The following LIMS1 variants were observed in gnomAD, a reference collection of about 807,000 sequenced individuals.
The protein encoded by LIMS1 is LIM and senescent cell antigen-like-containing domain protein 1.
Under a neutral mutation model 44.1 loss-of-function variants are expected in LIMS1, and 18 were observed. The observed-to-expected ratio is 0.41, with a 90% CI of 0.28 to 0.61. The LOEUF is 0.61. LIMS1 is among the 20% of genes least tolerant of loss of function. LIMS1 has a pLI of 0.32. For missense variants in LIMS1, 201 were observed against 422.0 expected (o/e 0.48, Z 4.59); for synonymous variants, 93 against 149.1 (o/e 0.62, Z 2.74).
chr2:108,623,207 T>A (rs1688355462), intron 1 of LIMS1, among the ~76,000 whole-genome samples: 1 of 133,708 alleles, frequency 7.5e-6, no homozygotes. Context: ...CCATTGTCTG[T>A]TTATGCCTGG....
chr2:108,535,135 G>A (rs1344537555), intron 1 of LIMS1, among the ~76,000 whole-genome samples: 1 of 152,214 alleles, frequency 6.6e-6, no homozygotes, highest in African/African-American at 2.4e-5. Context: ...TTTACAGTTT[G>A]CGAATCTCTT....
At chr2:108,620,083 C>T (rs1688154507) in intron 1 of LIMS1, among the ~76,000 whole-genome samples, 1 of 152,098 alleles carries the variant, frequency 6.6e-6, no homozygotes, top group African/African-American at 2.4e-5. Flanking sequence ...TTTGTTTTTC[C>T]TGGGGCCGTG....
Position 108,583,081 on chromosome 2 carries a change from C to T in LIMS1, c.32+48487C>T, listed in dbSNP as rs1205148557. On this transcript the variant is annotated intron_variant, in intron 1 of 9. Transcript: ENST00000544547. Reference sequence around the variant, plus strand: ...TAGATGGAGTTTCATTCTTATTGCCCAGGCTGGAGTGCAGTGGCGTGATCT... The same window carrying T: ...TAGATGGAGTTTCATTCTTATTGCCTAGGCTGGAGTGCAGTGGCGTGATCT... 3.3e-5 allele frequency among the ~76,000 whole-genome samples: 5 copies of T among 151,856 alleles called. No individual in the cohort carries two copies. The East Asian group carries it at 5.8e-4, about 18-fold the overall frequency.
chr2:108,687,179 G>T (rs1693357548), exon 10 of LIMS1: 1 of 152,014 alleles, frequency 6.6e-6, no homozygotes, highest in Non-Finnish European at 1.5e-5. Context: ...TGGTAATTAT[G>T]TTTTCATATA....
At chr2:108,640,584 ACT>A (rs1186142765) in intron 1 of LIMS1, among the ~76,000 whole-genome samples, 3 of 151,602 alleles carry the variant, frequency 2.0e-5, no homozygotes, top group African/African-American at 2.4e-5. Flanking sequence ...CTGAGTGGCC[ACT>A]CTCTTTTGCC....
chr2:108,645,431 A>G (rs1689991627), intron 1 of LIMS1, among the ~76,000 whole-genome samples: 1 of 152,214 alleles, frequency 6.6e-6, no homozygotes, highest in Non-Finnish European at 1.5e-5. Context: ...TCCGTCACAG[A>G]CAAGGAAATG....
intron 1 of LIMS1, among the ~76,000 whole-genome samples, chr2:108,546,471 G>T (rs1684486220): frequency 6.6e-6 from 1 of 151,832 alleles, no homozygotes; most frequent in South Asian, 2.1e-4. Flanking sequence ...GTAAGTGCAT[G>T]TTGCTCTTGT....
intron 1 of LIMS1, among the ~76,000 whole-genome samples, chr2:108,656,606 A>G (rs557895152): frequency 8.6e-5 from 13 of 151,130 alleles, no homozygotes; most frequent in African/African-American, 3.1e-4. Flanking sequence ...CAGCAAGGTG[A>G]TTGTTCTGTT....
In LIMS1 at chr2:108,684,077, T is replaced by C. The variant is rs576831467; in HGVS notation, c.*78T>C. 7 of 720,450 alleles carry C rather than the reference T, an allele frequency of 9.7e-6. No homozygotes were observed. In the South Asian group the frequency reaches 1.3e-4, roughly 13 times the overall value. 44.6% of individuals were successfully genotyped at this position (720,450 alleles called of 1,614,324 possible). A position where few individuals can be genotyped will look rare whatever the true frequency, so the allele number is the denominator to read the frequency against. On this transcript the variant is annotated 3_prime_UTR_variant, in exon 10 of 10. Coordinates refer to ENST00000544547, the Ensembl canonical transcript of LIMS1. The stretch of plus-strand genomic sequence containing the variant: ...GTCTTGATCTACCCATATTTAAAGC[T>C]ATATCTCAAAGCAGTTGAGAGAAGA...
intron 1 of LIMS1, among the ~76,000 whole-genome samples, chr2:108,607,742 G>A (rs962802844): frequency 2.6e-5 from 4 of 151,976 alleles, no homozygotes; most frequent in Non-Finnish European, 5.9e-5. Flanking sequence ...AATGTTTTAT[G>A]TCTTCTGTTT....
At chr2:108,626,441 A>C (rs548658856) in intron 1 of LIMS1, among the ~76,000 whole-genome samples, 18 of 152,312 alleles carry the variant, frequency 1.2e-4, no homozygotes, top group African/African-American at 3.1e-4. Flanking sequence ...TTAAAAGTTC[A>C]TAGTGCTTAC....
intron 1 of LIMS1, chr2:108,621,116 C>A: frequency 2.0e-6 from 1 of 509,836 alleles, no homozygotes; most frequent in Non-Finnish European, 3.3e-6. Context: ...TCTTGGTCAC[C>A]GCTTCCCCCC....
intron 1 of LIMS1, among the ~76,000 whole-genome samples, chr2:108,534,841 C>T (rs1385081640): frequency 6.6e-6 from 1 of 152,130 alleles, no homozygotes; most frequent in Non-Finnish European, 1.5e-5. Flanking sequence ...CGCCCCGCTG[C>T]TCCGAGAGTT....
intron 1 of LIMS1, among the ~76,000 whole-genome samples, chr2:108,555,465 T>C (rs886353661): frequency 6.6e-6 from 1 of 152,166 alleles, no homozygotes; most frequent in Non-Finnish European, 1.5e-5. Flanking sequence ...GATAATAAAT[T>C]TTCCCATGGT....
At chr2:108,591,794 T>G (rs770910852) in intron 1 of LIMS1, among the ~76,000 whole-genome samples, 1 of 91,782 alleles carries the variant, frequency 1.1e-5, no homozygotes, top group Non-Finnish European at 2.2e-5. Flanking sequence ...TTTTAGTTTT[T>G]TTTTTTGTTT....
chr2:108,573,952 G>C (rs1043397484), intron 1 of LIMS1, among the ~76,000 whole-genome samples: 14 of 152,050 alleles, frequency 9.2e-5, no homozygotes, highest in African/African-American at 3.4e-4. Flanking sequence ...ATGCCATTCA[G>C]CTAGGGAATG....
chr2:108,628,229 AATTGTCTCCTCC>A (rs1235537181), intron 1 of LIMS1, among the ~76,000 whole-genome samples: 11 of 152,062 alleles, frequency 7.2e-5, no homozygotes, highest in Admixed American at 2.6e-4. Context: ...TTCTTCTTAA[AATTGTCTCCTCC>A]ATTGTCTCCT....
intron 1 of LIMS1, among the ~76,000 whole-genome samples, chr2:108,636,171 G>A (rs1449843249): frequency 2.0e-5 from 3 of 152,222 alleles, no homozygotes; most frequent in Admixed American, 6.5e-5. Flanking sequence ...CCTACTCCGT[G>A]CCCGGGGTCA....
rs866324204 is a variant in LIMS1 at position 108,661,314 on chromosome 2, C to T, written c.192+1550C>T. Among the ~76,000 whole-genome samples, 315 of 148,138 alleles carry T rather than the reference C, an allele frequency of 2.1e-3. 1 individual carries two copies. The highest frequency in any genetic ancestry group is 7.5e-3 in the African/African-American group (297 of 39,828). On this transcript the variant is annotated intron_variant, in intron 2 of 9. Transcript: ENST00000544547. ...AACCTTAGCAGTGGAAAGAGGTTTT[C>T]GTTTTCTCTTTTCTTCTAGTTCTTT...
Sources: allele counts gnomAD v4.1 joint callset (sites outside exome capture counted in the v4.1 genomes callset), GRCh38; gene constraint gnomAD v4.1.1; transcripts MANE v1.5; gene names NCBI Gene and HGNC (gene_info 2026-07-23, HGNC 2026-07-21).